Variants in NRG1 observed in about 807,000 individuals in gnomAD.
NRG1 encodes the protein neuregulin 1.
In NRG1, 18 loss-of-function variants were observed where a neutral mutation model predicts 63.8. The ratio of observed to expected loss-of-function variants is 0.28; its 90% CI spans 0.19 to 0.42. The LOEUF (loss-of-function observed/expected upper bound fraction) is 0.42, where lower values mean the gene tolerates loss of function less well. Ranked by LOEUF, NRG1 falls within the 10% of genes least tolerant of loss-of-function variation. The pLI, the probability that NRG1 is intolerant of heterozygous loss-of-function variation, is 1.00. For missense variants in NRG1, 762 were observed against 814.7 expected, an observed-to-expected ratio of 0.94 and a Z score of 0.79; for synonymous variants, 302 against 301.3, an observed-to-expected ratio of 1.00 and a Z score of -0.02.
intron 1 of NRG1, among the ~76,000 whole-genome samples, chr8:32,278,895 C>G (rs1462133782): frequency 6.6e-6 from 1 of 152,226 alleles, no homozygotes; most frequent in African/African-American, 2.4e-5. Flanking sequence ...ACTCACATAT[C>G]CTGATCTCTG....
At chr8:31,788,983 A>G (rs1343162831) in intron 1 of NRG1, among the ~76,000 whole-genome samples, 1 of 152,222 alleles carries the variant, frequency 6.6e-6, no homozygotes, top group East Asian at 1.9e-4. Context: ...AGAACTGCCC[A>G]TTATAACCAA....
intron 1 of NRG1, among the ~76,000 whole-genome samples, chr8:31,855,807 G>C (rs1193048305): frequency 6.6e-6 from 1 of 152,044 alleles, no homozygotes; most frequent in Non-Finnish European, 1.5e-5. Context: ...GGGCAGGCCT[G>C]GTGGTGACAA....
chr8:32,601,997 TTA>T (rs1844445197), intron 2 of NRG1, among the ~76,000 whole-genome samples: 2 of 152,148 alleles, frequency 1.3e-5, no homozygotes, highest in Admixed American at 6.6e-5. Flanking sequence ...CCTCTTGTAT[TTA>T]TGTCACCAGT....
intron 1 of NRG1, among the ~76,000 whole-genome samples, chr8:31,934,611 C>T (rs10216854): frequency 0.036 from 5,392 of 151,734 alleles, 347 homozygotes; most frequent in African/African-American, 0.12. Context: ...GGCTTTTGTA[C>T]CTCCAAAATG....
intron 1 of NRG1, among the ~76,000 whole-genome samples, chr8:32,205,787 G>A (rs1843994340): frequency 1.3e-5 from 2 of 152,020 alleles, no homozygotes; most frequent in South Asian, 4.2e-4. Context: ...AAGGCTTTGA[G>A]AAAGAAACAA....
At chr8:32,725,760 C>A (rs1162816171) in intron 5 of NRG1, among the ~76,000 whole-genome samples, 1 of 151,978 alleles carries the variant, frequency 6.6e-6, no homozygotes, top group Non-Finnish European at 1.5e-5. Context: ...AGGCGTGATC[C>A]ACCGTACCCA....
intron 1 of NRG1, among the ~76,000 whole-genome samples, chr8:32,176,020 G>A (rs1412384357): frequency 6.6e-6 from 1 of 152,140 alleles, no homozygotes; most frequent in Non-Finnish European, 1.5e-5. Context: ...AGCCTGCATT[G>A]CCAAGTCAAT....
chr8:32,404,493 A>G (rs1813677823), intron 1 of NRG1, among the ~76,000 whole-genome samples: 1 of 151,740 alleles, frequency 6.6e-6, no homozygotes, highest in Non-Finnish European at 1.5e-5. Context: ...GCTGCTGTTC[A>G]GCATTCACAC....
At chr8:32,177,455 G>A (rs1840913446) in intron 1 of NRG1, among the ~76,000 whole-genome samples, 1 of 151,996 alleles carries the variant, frequency 6.6e-6, no homozygotes, top group Non-Finnish European at 1.5e-5. Context: ...TTGTGTACAT[G>A]TACCCTAAAA....
chr8:31,688,859 T>C (rs1809185258), intron 1 of NRG1, among the ~76,000 whole-genome samples: 1 of 152,196 alleles, frequency 6.6e-6, no homozygotes, highest in Admixed American at 6.5e-5. Flanking sequence ...AAATTGTTTA[T>C]CTCACAGTTC....
At chr8:32,706,732 TGA>T (rs1408517372) in intron 5 of NRG1, among the ~76,000 whole-genome samples, 1 of 152,116 alleles carries the variant, frequency 6.6e-6, no homozygotes, top group Non-Finnish European at 1.5e-5. Context: ...ACCTGGTGAT[TGA>T]GGTCATAAAA....
chr8:32,705,054 C>G (rs771640220), intron 5 of NRG1, among the ~76,000 whole-genome samples: 3 of 151,922 alleles, frequency 2.0e-5, no homozygotes, highest in Non-Finnish European at 4.4e-5. Flanking sequence ...TCTTTGGTAG[C>G]CACTTGAATT....
At chr8:31,822,460 T>A (rs1423977420) in intron 1 of NRG1, among the ~76,000 whole-genome samples, 1 of 152,128 alleles carries the variant, frequency 6.6e-6, no homozygotes, top group Non-Finnish European at 1.5e-5. Context: ...CACAGTCTGT[T>A]GATCAAAATG....
intron 1 of NRG1, among the ~76,000 whole-genome samples, chr8:31,965,555 T>C (rs1279476129): frequency 1.3e-5 from 2 of 152,158 alleles, no homozygotes; most frequent in Non-Finnish European, 2.9e-5. Context: ...ATTTATTTTC[T>C]TTTGGATAAA....
At chr8:31,869,529 C>T (rs1329160879) in intron 1 of NRG1, among the ~76,000 whole-genome samples, 1 of 152,174 alleles carries the variant, frequency 6.6e-6, no homozygotes, top group African/African-American at 2.4e-5. Context: ...TATAAACAAT[C>T]TTTGGTCAAG....
chr8:32,298,320 G>T (rs1396354681), intron 1 of NRG1, among the ~76,000 whole-genome samples: 1 of 152,190 alleles, frequency 6.6e-6, no homozygotes, highest in Admixed American at 6.5e-5. Flanking sequence ...TGGCAGAACT[G>T]ACTACAGACT....
At chr8:31,772,921 TCTC>T (rs1052344378) in intron 1 of NRG1, among the ~76,000 whole-genome samples, 5 of 152,152 alleles carry the variant, frequency 3.3e-5, no homozygotes, top group Non-Finnish European at 7.3e-5. Flanking sequence ...TAAAATGTAA[TCTC>T]CTATGCACAA....
At chr8:32,187,445 A>G (rs1288272986) in intron 1 of NRG1, among the ~76,000 whole-genome samples, 1 of 152,124 alleles carries the variant, frequency 6.6e-6, no homozygotes, top group East Asian at 1.9e-4. Context: ...AACTTCGTTA[A>G]CCTATAGTTT....
chr8:32,446,009 G>C (rs1020308460), intron 1 of NRG1, among the ~76,000 whole-genome samples: 2 of 151,930 alleles, frequency 1.3e-5, no homozygotes, highest in Admixed American at 6.6e-5. Context: ...CAGAATAAAG[G>C]CTTGAAAGGA....
Sources: gnomAD v4.1 joint callset for allele counts (sites outside exome capture counted in the v4.1 genomes callset) on GRCh38, gnomAD v4.1.1 for gene constraint, MANE v1.5 for transcripts, NCBI Gene and HGNC (gene_info 2026-07-23, HGNC 2026-07-21) for gene names.